The following SNX8 variants were observed in gnomAD, a reference collection of about 807,000 sequenced individuals.
SNX8 encodes the protein sorting nexin-8.
In SNX8, 25 loss-of-function variants were observed where a neutral mutation model predicts 51.6. The ratio of observed to expected loss-of-function variants is 0.48; its 90% CI spans 0.35 to 0.68. The LOEUF (loss-of-function observed/expected upper bound fraction) is 0.68, where lower values mean the gene tolerates loss of function less well. Ranked by LOEUF, SNX8 falls within the 30% of genes least tolerant of loss-of-function variation. The probability of loss-of-function intolerance (pLI) is 0.00; values close to 1 mark genes in which losing one functional copy is unlikely to be tolerated. For synonymous variants in SNX8, 324 were observed against 277.0 expected (o/e 1.17, Z -1.68); for missense variants, 695 against 624.0 (o/e 1.11, Z -1.21).
At chr7:2,263,720 T>TC (rs949716122) in intron 6 of SNX8, among the ~76,000 whole-genome samples, 10 of 141,082 alleles carry the variant, frequency 7.1e-5, no homozygotes, top group South Asian at 4.4e-4. Flanking sequence ...CAAAGGGATC[T>TC]TTTTTTTTTT....
chr7:2,285,115 G>A (rs922306843), intron 1 of SNX8, among the ~76,000 whole-genome samples: 1 of 151,730 alleles, frequency 6.6e-6, no homozygotes, highest in African/African-American at 2.4e-5. Context: ...GGGAGTCTGA[G>A]GCAGGAGAAT....
At chr7:2,324,122 A>C (rs1778586202) in intron 1 of SNX8, among the ~76,000 whole-genome samples, 1 of 144,980 alleles carries the variant, frequency 6.9e-6, no homozygotes, top group South Asian at 2.1e-4. Context: ...ACTCCATCTC[A>C]AAAAAAAAAG....
At chr7:2,264,553 G>C in intron 5 of SNX8, 95 bp from the exon 6 acceptor site, 3 of 1,279,234 alleles carry the variant, frequency 2.3e-6, no homozygotes, top group African/African-American at 1.5e-5. Flanking sequence ...AGCCACGGGA[G>C]ACACAGCAGG....
Position 2,253,910 on chromosome 7 carries a change from C to G in SNX8, c.*1146G>C, listed in dbSNP as rs1795109506. Reference sequence around the variant, plus strand: ...AGCCCGGCGGGCCTCTTCCAGCACCCCTCCCCGGCCAGGGAGGGGCGTCAG... The same window carrying G: ...AGCCCGGCGGGCCTCTTCCAGCACCGCTCCCCGGCCAGGGAGGGGCGTCAG... On this transcript the variant is annotated 3_prime_UTR_variant, in exon 11 of 11. Transcript: ENST00000222990. 6.6e-6 allele frequency: 1 copy of G among 152,082 alleles called. No individual in the cohort carries two copies. The highest frequency in any genetic ancestry group is 3.4e-3 in the Middle Eastern group (1 of 296). The allele number at this position is 152,082 out of a possible 1,614,324, so 9.4% of individuals were successfully genotyped here.
intron 1 of SNX8, among the ~76,000 whole-genome samples, chr7:2,302,544 C>T (rs549856774): frequency 1.4e-3 from 206 of 152,204 alleles, no homozygotes; most frequent in African/African-American, 4.3e-3. Context: ...AAGTGAGGAG[C>T]GTCTCTGCCT....
chr7:2,342,922 A>C (rs1778959419), intron 1 of SNX8, among the ~76,000 whole-genome samples: 2 of 151,818 alleles, frequency 1.3e-5, no homozygotes, highest in African/African-American at 2.4e-5. Flanking sequence ...TCCCGCGTTC[A>C]CACAATTCTC....
intron 1 of SNX8, 54 bp downstream of exon 1, chr7:2,314,274 T>A: frequency 8.2e-7 from 1 of 1,213,802 alleles, no homozygotes. Context: ...CCGCCGGGGG[T>A]GGTCGGGCCG....
chr7:2,261,368 G>A (rs1795331156), intron 7 of SNX8, among the ~76,000 whole-genome samples: 1 of 151,966 alleles, frequency 6.6e-6, no homozygotes, highest in African/African-American at 2.4e-5. Flanking sequence ...GGGAGGCAGA[G>A]GTTGCAGTGA....
chr7:2,305,574 T>C (rs1157058198), intron 1 of SNX8, among the ~76,000 whole-genome samples: 1 of 151,960 alleles, frequency 6.6e-6, no homozygotes, highest in Non-Finnish European at 1.5e-5. Flanking sequence ...ATGTTGGTCA[T>C]GCTGGTCTCG....
At chr7:2,311,218 C>T (rs1458874885) in intron 1 of SNX8, among the ~76,000 whole-genome samples, 1 of 152,140 alleles carries the variant, frequency 6.6e-6, no homozygotes, top group Non-Finnish European at 1.5e-5. Context: ...ATGAATACCA[C>T]CAGTGGGCTC....
intron 6 of SNX8, among the ~76,000 whole-genome samples, 181 bp from the exon 7 acceptor site, chr7:2,263,543 G>A (rs1795389504): frequency 6.6e-6 from 1 of 152,172 alleles, no homozygotes. Context: ...GGGTGGCCCT[G>A]GGGCTGCACC....
At chr7:2,344,536 T>C (rs1227857191) in intron 1 of SNX8, among the ~76,000 whole-genome samples, 2 of 146,372 alleles carry the variant, frequency 1.4e-5, no homozygotes, top group Non-Finnish European at 1.5e-5. Context: ...CTTGTGAACC[T>C]GGGAGGCGGA....
chr7:2,277,026 T>C (rs1004809680), intron 2 of SNX8, among the ~76,000 whole-genome samples: 3 of 152,252 alleles, frequency 2.0e-5, no homozygotes, highest in African/African-American at 7.2e-5. Context: ...CCCCTGGCAG[T>C]GCCGTCCGGC....
rs377401240 is a variant in SNX8 at position 2,276,482 on chromosome 7, C to T, written c.301-1253G>A. 4.9e-4 allele frequency among the ~76,000 whole-genome samples: 74 copies of T among 152,304 alleles called. 2 individuals are homozygous for T. In the East Asian group the frequency reaches 5.0e-3, roughly 10 times the overall value. On this transcript the variant is annotated intron_variant, in intron 2 of 10. Coordinates refer to ENST00000222990, the MANE Select transcript of SNX8 (RefSeq NM_013321.4). Reference sequence around the variant, plus strand: ...TGGAACACAGTGAAGCACAGCAGAGCAGACGGCAGGGAGGGGAGACCGGCT... The same window carrying T: ...TGGAACACAGTGAAGCACAGCAGAGTAGACGGCAGGGAGGGGAGACCGGCT...
intron 7 of SNX8, among the ~76,000 whole-genome samples, chr7:2,261,607 C>A (rs116639709): frequency 2.4e-3 from 361 of 152,292 alleles, no homozygotes; most frequent in African/African-American, 8.0e-3. Context: ...CTGAAAAGCC[C>A]CCAGCCCCAC....
intron 1 of SNX8, among the ~76,000 whole-genome samples, chr7:2,287,192 A>T (rs1796051219): frequency 6.6e-6 from 1 of 151,796 alleles, no homozygotes. Flanking sequence ...CATGTTGCTC[A>T]GGCTAGTCTC....
intron 5 of SNX8, among the ~76,000 whole-genome samples, chr7:2,268,578 G>T (rs1277938312): frequency 1.4e-5 from 2 of 144,524 alleles, no homozygotes; most frequent in African/African-American, 2.6e-5. Flanking sequence ...CTGGCCAGCC[G>T]CCCTGTCCGG....
At chr7:2,268,354 T>C (rs867086130) in intron 5 of SNX8, among the ~76,000 whole-genome samples, 1,462 of 126,190 alleles carry the variant, frequency 0.012, 6 homozygotes, top group Admixed American at 0.022. Context: ...GCAGCTGCCC[T>C]GTCTGAGAAG....
At chr7:2,290,952 T>C (rs1195595635) in intron 1 of SNX8, among the ~76,000 whole-genome samples, 2 of 152,142 alleles carry the variant, frequency 1.3e-5, no homozygotes, top group African/African-American at 4.8e-5. Flanking sequence ...GAGAAGAAGG[T>C]TGCTGTCTTC....
Sources: allele counts gnomAD v4.1 joint callset (sites outside exome capture counted in the v4.1 genomes callset), GRCh38; gene constraint gnomAD v4.1.1; transcripts MANE v1.5; gene names NCBI Gene and HGNC (gene_info 2026-07-23, HGNC 2026-07-21).